Variants in ACACA observed in about 807,000 individuals in gnomAD.
The protein encoded by ACACA is acetyl-CoA carboxylase 1.
In ACACA, 103 loss-of-function variants were observed where a neutral mutation model predicts 296.1. The observed-to-expected ratio is 0.35, with a 90% CI of 0.30 to 0.41. The LOEUF (loss-of-function observed/expected upper bound fraction) is 0.41. Among genes scored for constraint, ACACA ranks in the 10% least tolerant of loss-of-function variants. ACACA has a pLI of 1.00. For synonymous variants in ACACA, 953 were observed against 1,038.6 expected (o/e 0.92, Z 1.58); for missense variants, 1,554 against 2,989.7 (o/e 0.52, Z 11.20).
chr17:37,221,948 G>T (rs1219099138), intron 28 of ACACA, 106 bp from the exon 29 acceptor site: 2 of 950,222 alleles, frequency 2.1e-6, no homozygotes, highest in Non-Finnish European at 3.4e-6. Flanking sequence ...AAGGTGCTCT[G>T]TGGGGAGAGA....
intron 52 of ACACA, among the ~76,000 whole-genome samples, chr17:37,103,722 AAC>A (rs3049593): frequency 0.44 from 65,921 of 148,420 alleles, 14,950 homozygotes; most frequent in East Asian, 0.72. Flanking sequence ...CAAACACACA[AAC>A]ACACACACAC....
Position 37,086,065 on chromosome 17 carries a change from T to G in ACACA, c.*1251A>C, listed in dbSNP as rs1567636240. 1 of 365,608 alleles carries G rather than the reference T, an allele frequency of 2.7e-6. No individual in the cohort carries two copies. The highest frequency in any genetic ancestry group is 4.9e-6 in the Non-Finnish European group (1 of 205,944). The allele number at this position is 365,608 out of a possible 1,614,324, so 22.6% of individuals were successfully genotyped here. ...CCTGATGCCAGTCAGGAGGGGCCAG[T>G]AAGCCTGGAGGACAGCAGCACCATG... On this transcript the variant is annotated 3_prime_UTR_variant, in exon 56 of 56. Coordinates refer to ENST00000616317, the MANE Select transcript of ACACA (RefSeq NM_198834.3).
intron 45 of ACACA, among the ~76,000 whole-genome samples, chr17:37,146,027 A>T (rs914002557): frequency 4.6e-5 from 7 of 152,358 alleles, no homozygotes; most frequent in Admixed American, 1.3e-4. Context: ...ACACAGTGGC[A>T]AAGGATGGCG....
At chr17:37,358,640 G>A (rs1450112315) in intron 1 of ACACA, among the ~76,000 whole-genome samples, 4 of 152,182 alleles carry the variant, frequency 2.6e-5, no homozygotes, top group Non-Finnish European at 5.9e-5. Context: ...ATTGGAGAGG[G>A]GTCTGGAAGG....
intron 29 of ACACA, among the ~76,000 whole-genome samples, chr17:37,214,771 T>C (rs559986917): frequency 6.6e-6 from 1 of 152,368 alleles, no homozygotes; most frequent in South Asian, 2.1e-4. Flanking sequence ...ATCAGCAGAC[T>C]ACCCTGAATG....
intron 3 of ACACA, among the ~76,000 whole-genome samples, chr17:37,325,632 G>A (rs1394693629): frequency 3.4e-5 from 4 of 117,048 alleles, no homozygotes; most frequent in Non-Finnish European, 6.4e-5. Context: ...GGAGTGCAAT[G>A]GCATGATCTC....
chr17:37,244,992 C>T (rs2080620931), intron 20 of ACACA, 88 bp downstream of exon 20: 3 of 1,585,450 alleles, frequency 1.9e-6, no homozygotes, highest in Non-Finnish European at 2.6e-6. Context: ...AAAACACTGG[C>T]AAACCAAGCA....
At chr17:37,346,192 C>A (rs999094005) in intron 1 of ACACA, among the ~76,000 whole-genome samples, 3 of 151,892 alleles carry the variant, frequency 2.0e-5, no homozygotes, top group African/African-American at 2.4e-5. Flanking sequence ...AGGCATGCAC[C>A]TGTAATCTCA....
chr17:37,094,174 T>C (rs1374810400), intron 54 of ACACA, among the ~76,000 whole-genome samples: 2 of 152,232 alleles, frequency 1.3e-5, no homozygotes, highest in African/African-American at 2.4e-5. Context: ...GATGCTTTGC[T>C]TCTGCCTGCA....
intron 2 of ACACA, among the ~76,000 whole-genome samples, chr17:37,336,130 G>T (rs559302108): frequency 6.6e-6 from 1 of 151,998 alleles, no homozygotes; most frequent in Admixed American, 6.6e-5. Context: ...ACTACAAATC[G>T]TTCTTCAAAT....
At chr17:37,271,217 G>C (rs1043252120) in intron 9 of ACACA, among the ~76,000 whole-genome samples, 1 of 152,166 alleles carries the variant, frequency 6.6e-6, no homozygotes, top group African/African-American at 2.4e-5. Context: ...TACCAGCAAT[G>C]ATTTAGAAAA....
chr17:37,324,835 CAA>C (rs35499336), intron 3 of ACACA, among the ~76,000 whole-genome samples: 39 of 75,858 alleles, frequency 5.1e-4, no homozygotes, highest in Middle Eastern at 9.1e-3. Context: ...AACTCCGACT[CAA>C]AAAAAAAAAA....
intron 1 of ACACA, among the ~76,000 whole-genome samples, chr17:37,368,181 A>T (rs2049675833): frequency 6.6e-6 from 1 of 152,238 alleles, no homozygotes; most frequent in Admixed American, 6.5e-5. Context: ...CTGAGGAAGG[A>T]GAATCACTTG....
At position 37,098,000 on chromosome 17, in the gene ACACA, C is replaced by T; in HGVS notation, c.6566-16G>A. 1 of 1,614,198 alleles carries T rather than the reference C, an allele frequency of 6.2e-7. No homozygotes were observed. The highest frequency in any genetic ancestry group is 8.5e-7 in the Non-Finnish European group (1 of 1,180,026). On this transcript the variant is annotated splice_polypyrimidine_tract_variant and intron_variant, in intron 52 of 55. Transcript: ENST00000616317. This position sits in a 1 kb window ranked among gnomAD's most constrained non-coding sequence, Gnocchi z 4.8. ...TCTGGGGTCCCTGCAATTAGATAAA[C>T]ATGCCCGTCACACTCTGTAATGACC...
chr17:37,244,549 C>T, intron 21 of ACACA, 39 bp downstream of exon 21: 1 of 1,609,762 alleles, frequency 6.2e-7, no homozygotes, highest in African/African-American at 1.3e-5. Flanking sequence ...AATAGGTATC[C>T]CATTTGTACA....
At chr17:37,192,676 T>C (rs1221601708) in intron 36 of ACACA, among the ~76,000 whole-genome samples, 1 of 152,160 alleles carries the variant, frequency 6.6e-6, no homozygotes, top group Non-Finnish European at 1.5e-5. Context: ...AATATCTACT[T>C]CACATGCCAA....
At chr17:37,256,960 G>T (rs1277683319) in intron 14 of ACACA, among the ~76,000 whole-genome samples, 2 of 151,950 alleles carry the variant, frequency 1.3e-5, no homozygotes, top group Non-Finnish European at 2.9e-5. Context: ...AAACAGAAAA[G>T]AACTAGTTCA....
chr17:37,406,509 G>C lies in ACACA; in HGVS notation c.-210C>G, dbSNP rs946225055. On this transcript the variant is annotated 5_prime_UTR_variant, in exon 1 of 56. Coordinates refer to ENST00000616317, the MANE Select transcript of ACACA (RefSeq NM_198834.3). ...GCCGTCCCTGGGCCCAGTTCCCTCA[G>C]CCTCAATTTCCCTTGCTGCAACAGG... 3 of 633,078 alleles carry C rather than the reference G, an allele frequency of 4.7e-6. No individual in the cohort carries two copies. The highest frequency in any genetic ancestry group is 8.4e-6 in the Non-Finnish European group (3 of 356,656). The allele number at this position is 633,078 out of a possible 1,614,324, so 39.2% of individuals were successfully genotyped here.
chr17:37,359,724 A>T (rs1802551942), intron 1 of ACACA, among the ~76,000 whole-genome samples: 1 of 152,136 alleles, frequency 6.6e-6, no homozygotes. Flanking sequence ...AGGGGTGGGC[A>T]ATCGCGTCCA....
Sources: gnomAD v4.1 joint callset for allele counts (sites outside exome capture counted in the v4.1 genomes callset) on GRCh38, gnomAD v4.1.1 for gene constraint, Gnocchi (gnomAD v3.1) non-coding constraint, MANE v1.5 for transcripts, NCBI Gene and HGNC (gene_info 2026-07-23, HGNC 2026-07-21) for gene names.